Variants in SDHA observed in about 807,000 individuals in gnomAD.
The protein encoded by SDHA is succinate dehydrogenase complex flavoprotein subunit A.
Under a neutral mutation model 78.4 loss-of-function variants are expected in SDHA, and 48 were observed. The observed-to-expected ratio is 0.61, with a 90% CI of 0.49 to 0.78. The LOEUF is 0.78. Among genes scored for constraint, SDHA ranks in the 30% least tolerant of loss-of-function variants. The pLI is 0.00. For synonymous variants in SDHA, 326 were observed against 353.9 expected, an observed-to-expected ratio of 0.92 and a Z score of 0.88; for missense variants, 680 against 892.7, an observed-to-expected ratio of 0.76 and a Z score of 3.04.
At chr5:233,703 T>G in intron 8 of SDHA, 58 bp downstream of exon 8, 1 of 1,578,704 alleles carries the variant, frequency 6.3e-7, no homozygotes, top group South Asian at 1.1e-5. Flanking sequence ...GGGTTGCTTC[T>G]GTGAGTTTCA....
chr5:235,302 A>T lies in SDHA; in HGVS notation c.1223A>T (p.Tyr408Phe). ...ATCCCTGTCCTCCCCACCGTGCATT[A>T]TAACATGGGCGGCATTCCCACCAAC... The part of the protein sequence containing the change: ...EPIPVLPTVH[Y>F]NMGGIPTNYK... Residue 408 changes from tyrosine to phenylalanine, a missense_variant, in exon 9 of 15, where the codon TAT (tyrosine) becomes TTT (phenylalanine). Tyr to Phe is a conservative substitution (Grantham distance 22, BLOSUM62 3). Transcript: ENST00000264932. The T allele has an allele frequency of 6.2e-7, 1 of 1,614,210 alleles. No homozygotes were observed. Among genetic ancestry groups the T allele is most frequent in the Non-Finnish European group, 8.5e-7 (1 of 1,180,024 alleles).
chr5:259,535 C>T (rs1431951838), downstream of SDHA, among the ~76,000 whole-genome samples: 15 of 17,610 alleles, frequency 8.5e-4, no homozygotes, highest in South Asian at 2.4e-3. Flanking sequence ...CCGCCTCCCG[C>T]CAGAGCATTA....
rs1404993199 is a variant in SDHA at position 251,384 on chromosome 5, C to T, written c.1710C>T (p.Asn570=). 2 of 1,613,842 alleles carry T rather than the reference C, an allele frequency of 1.2e-6. No individual in the cohort carries two copies. The highest frequency in any genetic ancestry group is 1.1e-5 in the South Asian group (1 of 91,064). The stretch of plus-strand genomic sequence containing the variant: ...TGGTGGAGACCCTGGAGCTGCAGAA[C>T]CTGATGCTGTGTGCGCTGCAGACCA... ...TDLVETLELQ[N]LMLCALQTIY... is the part of the protein sequence containing the mutation. Residue 570 remains asparagine (N), a synonymous_variant, in exon 13 of 15, where the codon AAC becomes AAT. Transcript: ENST00000264932.
intron 11 of SDHA, among the ~76,000 whole-genome samples, chr5:242,214 A>T (rs1245876131): frequency 6.6e-6 from 1 of 152,222 alleles, no homozygotes; most frequent in Non-Finnish European, 1.5e-5. Flanking sequence ...AGGCCCCCAA[A>T]TGTGGCCCAA....
chr5:256,947 G>C lies in SDHA; in HGVS notation c.*527G>C, dbSNP rs576548541. On this transcript the variant is annotated 3_prime_UTR_variant, in exon 15 of 15. Transcript: ENST00000264932. ...AGCCTTCTGAGTAGTTGGGGCTACA[G>C]GTGTGCACCACCATGCCCAGCTCAT... is the stretch of plus-strand genomic sequence containing the variant. Among the ~76,000 whole-genome samples the C allele has an allele frequency of 6.6e-6, 1 of 151,400 alleles. No individual in the cohort carries two copies. Among genetic ancestry groups the C allele is most frequent in the East Asian group, 1.9e-4 (1 of 5,166 alleles).
chr5:253,480 C>G (rs778049944), intron 13 of SDHA, among the ~76,000 whole-genome samples: 1 of 152,028 alleles, frequency 6.6e-6, no homozygotes, highest in Non-Finnish European at 1.5e-5. Flanking sequence ...TCACTGTCCC[C>G]CAGGCTGGAG....
intron 1 of SDHA, among the ~76,000 whole-genome samples, chr5:221,165 G>A (rs1734693126): frequency 6.6e-6 from 1 of 152,168 alleles, no homozygotes; most frequent in Non-Finnish European, 1.5e-5. Flanking sequence ...TAAAATTCTA[G>A]TGAGAATAAT....
intron 10 of SDHA, among the ~76,000 whole-genome samples, chr5:238,691 G>A (rs976918108): frequency 5.4e-4 from 82 of 152,338 alleles, no homozygotes; most frequent in African/African-American, 1.9e-3. Context: ...GGGTGCAGTG[G>A]CTCACGCCTA....
intron 6 of SDHA, 74 bp downstream of exon 6, chr5:228,407 GA>G (rs1372208522): frequency 2.1e-6 from 3 of 1,434,216 alleles, no homozygotes; most frequent in Non-Finnish European, 2.9e-6. Flanking sequence ...TTATTTTAAT[GA>G]AAATAGAGGC....
chr5:243,537 TAGA>T (rs1396711906), intron 11 of SDHA, among the ~76,000 whole-genome samples: 1 of 152,104 alleles, frequency 6.6e-6, no homozygotes, highest in African/African-American at 2.4e-5. Flanking sequence ...TAGAACAGCT[TAGA>T]GGAGTGTGCA....
At chr5:264,101 C>T in the SDHA span, among the ~76,000 whole-genome samples, 1 of 152,170 alleles carries the variant, frequency 6.6e-6, no homozygotes, top group African/African-American at 2.4e-5. Flanking sequence ...TATATATTTG[C>T]TTTTTCTTAA....
chr5:228,018 A>G, intron 5 of SDHA, 167 bp from the exon 6 acceptor site: 1 of 697,776 alleles, frequency 1.4e-6, no homozygotes, highest in Non-Finnish European at 2.5e-6. Context: ...CTCGGCGTGG[A>G]ATGCCTCTCG....
intron 10 of SDHA, among the ~76,000 whole-genome samples, chr5:237,239 T>G (rs1271894013): frequency 1.5e-5 from 2 of 135,202 alleles, no homozygotes; most frequent in Non-Finnish European, 3.0e-5. Context: ...AAAAATCACT[T>G]ATTTGCAATG....
chr5:222,427 A>G (rs1415453675), intron 1 of SDHA, among the ~76,000 whole-genome samples: 1 of 147,866 alleles, frequency 6.8e-6, no homozygotes, highest in Non-Finnish European at 1.5e-5. Context: ...GGCTCACTGC[A>G]GCCTCTGCCT....
At chr5:258,561 C>T (rs1400302111), downstream of SDHA, among the ~76,000 whole-genome samples, 25 of 105,738 alleles carry the variant, frequency 2.4e-4, no homozygotes, top group Non-Finnish European at 3.5e-4. Context: ...AGAGCCTTGC[C>T]GTGAGCTCCG....
In SDHA at chr5:224,428, C is replaced by G. The variant is rs776288745; in HGVS notation, c.219C>G (p.Gly73=). 3 of 1,613,536 alleles carry G rather than the reference C, an allele frequency of 1.9e-6. No homozygotes were observed. Among genetic ancestry groups the G allele is most frequent in the East Asian group, 4.5e-5 (2 of 44,902 alleles). Residue 73 remains glycine, a synonymous_variant, in exon 3 of 15, where the codon GGC becomes GGG. Coordinates refer to ENST00000264932, the MANE Select transcript of SDHA (RefSeq NM_004168.4). Reference sequence around the variant, plus strand: ...TGGTGGTAGGCGCTGGAGGGGCAGGCTTGCGAGCTGCATTTGGCCTTTCTG... The same window carrying G: ...TGGTGGTAGGCGCTGGAGGGGCAGGGTTGCGAGCTGCATTTGGCCTTTCTG... ...DAVVVGAGGA[G]LRAAFGLSEA...
At chr5:219,179 C>T (rs1348454780) in intron 1 of SDHA, among the ~76,000 whole-genome samples, 2 of 152,204 alleles carry the variant, frequency 1.3e-5, no homozygotes, top group Non-Finnish European at 2.9e-5. Flanking sequence ...GCGAGGACGC[C>T]GGGACCTGTG....
intron 7 of SDHA, among the ~76,000 whole-genome samples, chr5:232,724 G>A (rs1735491007): frequency 6.6e-6 from 1 of 151,668 alleles, no homozygotes; most frequent in South Asian, 2.1e-4. Context: ...TGCCCTTTTT[G>A]TATACTAATA....
chr5:224,745 C>G (rs1232829658), intron 3 of SDHA: 1 of 582,008 alleles, frequency 1.7e-6, no homozygotes, highest in Non-Finnish European at 3.1e-6. Flanking sequence ...ACTCCAGTCA[C>G]ACTTGGGTTT....
Sources: allele counts gnomAD v4.1 joint callset (sites outside exome capture counted in the v4.1 genomes callset), GRCh38; gene constraint gnomAD v4.1.1; transcripts MANE v1.5; gene names NCBI Gene and HGNC (gene_info 2026-07-23, HGNC 2026-07-21).